The following SCN9A variants were observed in gnomAD, a reference collection of about 807,000 sequenced individuals.
The protein encoded by SCN9A is sodium channel protein type 9 subunit alpha.
A neutral mutation model predicts 187.0 loss-of-function variants in SCN9A; 131 were observed. The ratio of observed to expected loss-of-function variants is 0.70; its 90% CI spans 0.61 to 0.81. SCN9A has a LOEUF of 0.81. Ranked by LOEUF, SCN9A falls within the 30% of genes least tolerant of loss-of-function variation. The pLI, the probability that SCN9A is intolerant of heterozygous loss-of-function variation, is 0.00. For missense variants in SCN9A, 2,252 were observed against 2,396.6 expected (o/e 0.94, Z 1.26); for synonymous variants, 809 against 808.6 (o/e 1.00, Z -0.01).
intron 24 of SCN9A, among the ~76,000 whole-genome samples, chr2:166,213,238 A>G (rs1047907436): frequency 2.6e-5 from 4 of 151,732 alleles, no homozygotes; most frequent in African/African-American, 9.7e-5. Flanking sequence ...TAGCAAGCAT[A>G]ACTAAGAAAA....
chr2:166,236,828 A>T (rs1163918778), intron 20 of SCN9A, among the ~76,000 whole-genome samples: 1 of 152,192 alleles, frequency 6.6e-6, no homozygotes, highest in African/African-American at 2.4e-5. Flanking sequence ...ACTATGTATG[A>T]TCATGCTTAC....
chr2:166,359,615 G>C (rs1191269394), intron 1 of SCN9A, among the ~76,000 whole-genome samples: 2 of 151,902 alleles, frequency 1.3e-5, no homozygotes, highest in Non-Finnish European at 2.9e-5. Flanking sequence ...TAATTTGGTA[G>C]ATGGCAAATC....
At chr2:166,339,789 A>C (rs922190177) in intron 1 of SCN9A, among the ~76,000 whole-genome samples, 1 of 152,226 alleles carries the variant, frequency 6.6e-6, no homozygotes, top group Admixed American at 6.5e-5. Flanking sequence ...TCTATGTAAT[A>C]ATATGGTGGA....
rs185164983 is a variant in SCN9A at position 166,232,650 on chromosome 2, A to G, written c.3924+690T>C. ...AAAAGTCACTCATTTGGATCATTCT[A>G]TTGTTTGACAATATTAGATAAAGGC... On this transcript the variant is annotated intron_variant, in intron 21 of 26. Transcript: ENST00000642356. Among the ~76,000 whole-genome samples, 7 of 151,840 alleles carry G rather than the reference A, an allele frequency of 4.6e-5. No homozygotes were observed. The East Asian group carries it at 7.7e-4, about 17-fold the overall frequency.
At chr2:166,249,900 G>A (rs1040254244) in intron 18 of SCN9A, among the ~76,000 whole-genome samples, 23 of 152,050 alleles carry the variant, frequency 1.5e-4, no homozygotes, top group African/African-American at 5.6e-4. Flanking sequence ...AATCTTGGTA[G>A]CATCAATACA....
intron 7 of SCN9A, among the ~76,000 whole-genome samples, chr2:166,298,013 A>G (rs1326795474): frequency 2.6e-5 from 4 of 152,220 alleles, no homozygotes; most frequent in Non-Finnish European, 5.9e-5. Context: ...CAGAAAGACA[A>G]CTTATGACAA....
At chr2:166,217,102 A>G (rs1410810732) in intron 24 of SCN9A, among the ~76,000 whole-genome samples, 1 of 152,074 alleles carries the variant, frequency 6.6e-6, no homozygotes, top group African/African-American at 2.4e-5. Flanking sequence ...AAGAATAAAC[A>G]ATGGGGGAAA....
At chr2:166,312,783 A>T (rs2105229212) in intron 1 of SCN9A, among the ~76,000 whole-genome samples, 1 of 151,424 alleles carries the variant, frequency 6.6e-6, no homozygotes. Flanking sequence ...GACCAGGCAC[A>T]TTGTCAATAG....
chr2:166,198,612 T>G lies in SCN9A; in HGVS notation c.*60A>C, dbSNP rs1368492697. ...TTTGGCATAGACTTCCTCAAAAGAG[T>G]TTTATTAACACAAATAAATCACTTT... On this transcript the variant is annotated 3_prime_UTR_variant, in exon 27 of 27. Transcript: ENST00000642356. 1.3e-5 allele frequency: 17 copies of G among 1,293,066 alleles called. No homozygotes were observed. The highest frequency in any genetic ancestry group is 1.1e-4 in the Admixed American group (4 of 36,862). The allele number at this position is 1,293,066 out of a possible 1,614,324, so 80.1% of individuals were successfully genotyped here. A position where few individuals can be genotyped will look rare whatever the true frequency, so the allele number is the denominator to read the frequency against.
chr2:166,289,604 T>C (rs1473614036), intron 9 of SCN9A, among the ~76,000 whole-genome samples: 1 of 152,188 alleles, frequency 6.6e-6, no homozygotes. Flanking sequence ...TTGGGTTGGT[T>C]CCCAGTCTTT....
chr2:166,357,037 TTCTACA>T (rs1370752494), intron 1 of SCN9A, among the ~76,000 whole-genome samples: 1 of 152,156 alleles, frequency 6.6e-6, no homozygotes, highest in Non-Finnish European at 1.5e-5. Context: ...CAGGGTTTTG[TTCTACA>T]TCTTATTTCA....
chr2:166,314,712 C>T (rs371863491), intron 1 of SCN9A, among the ~76,000 whole-genome samples: 103 of 152,272 alleles, frequency 6.8e-4, no homozygotes, highest in African/African-American at 2.1e-3. Context: ...AGGCCACATA[C>T]GATATGATTC....
intron 19 of SCN9A, among the ~76,000 whole-genome samples, chr2:166,240,432 T>C (rs1410994929): frequency 1.3e-5 from 2 of 152,214 alleles, no homozygotes; most frequent in African/African-American, 2.4e-5. Context: ...CTTCCTCATA[T>C]GATTTATTTA....
At chr2:166,362,982 T>C (rs1458250164) in intron 1 of SCN9A, among the ~76,000 whole-genome samples, 1 of 151,992 alleles carries the variant, frequency 6.6e-6, no homozygotes, top group Non-Finnish European at 1.5e-5. Flanking sequence ...GTCACCATTT[T>C]TCATTTGCTT....
chr2:166,262,711 A>C (rs1018677392), intron 17 of SCN9A, among the ~76,000 whole-genome samples: 1 of 151,980 alleles, frequency 6.6e-6, no homozygotes. Flanking sequence ...ATCTTTTCTT[A>C]ATCTTTTAGA....
chr2:166,332,727 G>A (rs1005376149), intron 1 of SCN9A, among the ~76,000 whole-genome samples: 15 of 151,736 alleles, frequency 9.9e-5, no homozygotes, highest in African/African-American at 9.7e-5. Context: ...GACTAAGTCC[G>A]TCCTTAAAAT....
At chr2:166,258,197 A>G (rs568597368) in intron 17 of SCN9A, among the ~76,000 whole-genome samples, 1 of 151,608 alleles carries the variant, frequency 6.6e-6, no homozygotes, top group South Asian at 2.1e-4. Flanking sequence ...CATTCAACAA[A>G]GTATGCTAAA....
chr2:166,340,532 TTTTCTTTCCC>T (rs1185415315), intron 1 of SCN9A, among the ~76,000 whole-genome samples: 1,401 of 125,134 alleles, frequency 0.011, 72 homozygotes, highest in African/African-American at 0.037. Context: ...CTCTCCTTTC[TTTTCTTTCCC>T]TTTCTTTCTT....
chr2:166,348,531 T>G (rs1336718345), intron 1 of SCN9A, among the ~76,000 whole-genome samples: 1 of 152,174 alleles, frequency 6.6e-6, no homozygotes, highest in Non-Finnish European at 1.5e-5. Context: ...TCTCCAAGTC[T>G]CTAGGTTTCC....
Sources: allele counts gnomAD v4.1 joint callset (sites outside exome capture counted in the v4.1 genomes callset), GRCh38; gene constraint gnomAD v4.1.1; transcripts MANE v1.5; gene names NCBI Gene and HGNC (gene_info 2026-07-23, HGNC 2026-07-21).